INTS3: variants seen among roughly 807,000 people sequenced by gnomAD.
The protein encoded by INTS3 is SOSS complex subunit A.
INTS3 carries 34 observed loss-of-function variants against 146.3 expected under a neutral mutation model. The ratio of observed to expected loss-of-function variants is 0.23; its 90% CI spans 0.18 to 0.31. The LOEUF (loss-of-function observed/expected upper bound fraction) is 0.31. Ranked by LOEUF, INTS3 falls within the 10% of genes least tolerant of loss-of-function variation. The probability of loss-of-function intolerance (pLI) is 1.00; values close to 1 mark genes in which losing one functional copy is unlikely to be tolerated. For synonymous variants in INTS3, 475 were observed against 494.9 expected (o/e 0.96, Z 0.53); for missense variants, 757 against 1,304.2 (o/e 0.58, Z 6.46).
In INTS3 at chr1:153,774,714, C is replaced by G. The variant is rs1204829946; in HGVS notation, c.*1444C>G. ...CTCCCCTCCCTCATCACTGCTGTTG[C>G]TTCCTTTGAAAGTCTAAACCACTGG... On this transcript the variant is annotated 3_prime_UTR_variant, in exon 30 of 30. Coordinates refer to ENST00000318967, the MANE Select transcript of INTS3 (RefSeq NM_023015.5). 4 of 196,384 alleles carry G rather than the reference C, an allele frequency of 2.0e-5. No homozygotes were observed. The South Asian group carries it at 3.5e-4, about 17-fold the overall frequency. The allele number at this position is 196,384 out of a possible 1,614,324, so 12.2% of individuals were successfully genotyped here. A position where few individuals can be genotyped will look rare whatever the true frequency, so the allele number is the denominator to read the frequency against.
intron 1 of INTS3, 80 bp from the exon 2 acceptor site, chr1:153,740,571 T>G (rs1387713690): frequency 9.7e-7 from 1 of 1,035,234 alleles, no homozygotes; most frequent in African/African-American, 1.6e-5. Flanking sequence ...CAGGTTTGAA[T>G]TGTTAAACTT....
intron 3 of INTS3, among the ~76,000 whole-genome samples, chr1:153,744,038 CG>C (rs1671635746): frequency 7.0e-6 from 1 of 142,246 alleles, no homozygotes. Flanking sequence ...TGTGCATGTG[CG>C]TGTGTGTGTG....
Position 153,763,354 on chromosome 1 carries a change from G to T in INTS3, c.1758G>T (p.Gln586His), listed in dbSNP as rs757030138. Residue 586 changes from glutamine (Q) to histidine (H), a missense_variant, in exon 16 of 30, where the codon CAG becomes CAT. Physicochemically the swap from Gln to His is conservative, Grantham distance 24 (BLOSUM62 0). Around this residue, in one of 8 missense-constraint regions of INTS3, gnomAD observed 89 missense variants for 210.9 expected, o/e 0.42. Transcript: ENST00000318967. The part of the protein sequence containing the change: ...ESLRDKVLQL[Q>H]KGSDTEAQCE... ...TGAGGGACAAAGTACTCCAGCTACAGAAGGGGAGGTGGGTACAGACCTTGT... is the reference window on the plus strand; with the variant it reads ...TGAGGGACAAAGTACTCCAGCTACATAAGGGGAGGTGGGTACAGACCTTGT... 2 of 1,614,120 alleles carry T rather than the reference G, an allele frequency of 1.2e-6. No individual in the cohort carries two copies. The highest frequency in any genetic ancestry group is 1.7e-6 in the Non-Finnish European group (2 of 1,180,038).
At chr1:153,759,724 A>T (rs561894802) in intron 11 of INTS3, 111 bp downstream of exon 11, 1 of 719,182 alleles carries the variant, frequency 1.4e-6, no homozygotes, top group East Asian at 2.5e-5. Context: ...GAGGCAGTTT[A>T]TCTGGGAGCA....
chr1:153,739,558 TC>T (rs1256150755), intron 1 of INTS3, among the ~76,000 whole-genome samples: 1 of 151,600 alleles, frequency 6.6e-6, no homozygotes, highest in Non-Finnish European at 1.5e-5. Context: ...GGTCTCGAAC[TC>T]CCCACCTCTG....
At chr1:153,733,460 C>CACCG (rs1671167363) in intron 1 of INTS3, among the ~76,000 whole-genome samples, 1 of 151,380 alleles carries the variant, frequency 6.6e-6, no homozygotes, top group Non-Finnish European at 1.5e-5. Flanking sequence ...ATCTTCCTGC[C>CACCG]TCAGCTTCCC....
chr1:153,745,257 A>G (rs960680167), intron 3 of INTS3, among the ~76,000 whole-genome samples: 3 of 151,582 alleles, frequency 2.0e-5, no homozygotes, highest in African/African-American at 7.3e-5. Flanking sequence ...CCTGGGTTCA[A>G]GTGATCCTCC....
chr1:153,735,614 C>T (rs1228324964), intron 1 of INTS3, among the ~76,000 whole-genome samples: 2 of 152,182 alleles, frequency 1.3e-5, no homozygotes, highest in Non-Finnish European at 2.9e-5. Flanking sequence ...TCCTCTGAAA[C>T]CGTTAACCTA....
chr1:153,733,278 T>C (rs1453276841), intron 1 of INTS3, among the ~76,000 whole-genome samples: 1 of 123,368 alleles, frequency 8.1e-6, no homozygotes, highest in East Asian at 2.8e-4. Context: ...AGTGGTGCGA[T>C]CTCGGCTCAC....
intron 3 of INTS3, among the ~76,000 whole-genome samples, chr1:153,743,139 G>T (rs1671601990): frequency 6.6e-6 from 1 of 152,196 alleles, no homozygotes; most frequent in African/African-American, 2.4e-5. Flanking sequence ...TCCCTAAAAG[G>T]GTGATTATTT....
chr1:153,741,244 T>C (rs1039350875), intron 2 of INTS3, 41 bp from the exon 3 acceptor site: 1 of 1,452,306 alleles, frequency 6.9e-7, no homozygotes, highest in African/African-American at 1.4e-5. Context: ...ACTTACTGCC[T>C]GTGAGTGACA....
chr1:153,772,325 G>A lies in INTS3; in HGVS notation c.2721-15G>A. Reference sequence around the variant, plus strand: ...CTCCCACACTCAGACTCTGGCTCTGGTGATTCCTGCACAGCCTGAGGAGCT... The same window carrying A: ...CTCCCACACTCAGACTCTGGCTCTGATGATTCCTGCACAGCCTGAGGAGCT... On this transcript the variant is annotated splice_polypyrimidine_tract_variant and intron_variant, in intron 26 of 29. Transcript: ENST00000318967. The surrounding 1 kb of genome is among the most constrained non-coding windows in gnomAD (Gnocchi z 4.6). 1.2e-6 allele frequency: 2 copies of A among 1,611,956 alleles called. No homozygotes were observed. The highest frequency in any genetic ancestry group is 1.7e-6 in the Non-Finnish European group (2 of 1,178,512).
At chr1:153,741,134 C>A in intron 2 of INTS3, 151 bp from the exon 3 acceptor site, 2 of 684,300 alleles carry the variant, frequency 2.9e-6, no homozygotes, top group Non-Finnish European at 5.2e-6. Flanking sequence ...TTTTAAAAAT[C>A]TCTTTTAAGA....
Position 153,751,200 on chromosome 1 carries a change from G to C in INTS3, c.690G>C (p.Gln230His), listed in dbSNP as rs1382761363. Residue 230 changes from glutamine (Q) to histidine (H), a missense_variant, in exon 7 of 30, where the codon CAG becomes CAC. Gln to His is a conservative substitution (Grantham distance 24, BLOSUM62 0). Coordinates refer to ENST00000318967, the MANE Select transcript of INTS3 (RefSeq NM_023015.5). ...CTGCCCAGCTCCAGGCCCTGCGACA[G>C]AAGGAAGTAGACTTCTGCATCTCAC... ...HGTAQLQALR[Q>H]KEVDFCISLL... is the part of the protein sequence containing the mutation. 3.7e-6 allele frequency: 6 copies of C among 1,614,124 alleles called. No individual in the cohort carries two copies. The African/African-American group carries it at 8.0e-5, about 22-fold the overall frequency.
chr1:153,751,292 C>G, intron 7 of INTS3, 53 bp downstream of exon 7: 2 of 1,581,442 alleles, frequency 1.3e-6, no homozygotes, highest in Non-Finnish European at 1.7e-6. Context: ...GGCTAAGATA[C>G]CTCTGGAGGT....
chr1:153,732,586 C>T (rs527528400), intron 1 of INTS3, among the ~76,000 whole-genome samples: 64 of 152,000 alleles, frequency 4.2e-4, no homozygotes, highest in Admixed American at 7.9e-4. Flanking sequence ...GCTGGGATTA[C>T]GGAAGCCCAC....
chr1:153,746,554 C>T (rs561165081), intron 3 of INTS3, among the ~76,000 whole-genome samples: 13 of 152,326 alleles, frequency 8.5e-5, no homozygotes, highest in African/African-American at 3.1e-4. Flanking sequence ...GTGCCCGCCA[C>T]CGTGCCCGGC....
At chr1:153,735,574 C>T (rs1027274732) in intron 1 of INTS3, among the ~76,000 whole-genome samples, 1 of 152,190 alleles carries the variant, frequency 6.6e-6, no homozygotes, top group Non-Finnish European at 1.5e-5. Context: ...TTTTAGAATG[C>T]TGTGCCACTC....
chr1:153,752,510 G>A, intron 8 of INTS3, 102 bp downstream of exon 8: 3 of 1,253,486 alleles, frequency 2.4e-6, no homozygotes, highest in Non-Finnish European at 3.3e-6. Context: ...GAGAGTCTTT[G>A]GTGGTCAGAT....
Sources: allele counts gnomAD v4.1 joint callset (sites outside exome capture counted in the v4.1 genomes callset), GRCh38; gene constraint gnomAD v4.1.1; regional missense constraint gnomAD v4.1.1; non-coding constraint Gnocchi (gnomAD v3.1); transcripts MANE v1.5; gene names NCBI Gene and HGNC (gene_info 2026-07-23, HGNC 2026-07-21).